Variants in SVIL observed in about 807,000 individuals in gnomAD.
The protein encoded by SVIL is supervillin.
Under a neutral mutation model 240.4 loss-of-function variants are expected in SVIL, and 101 were observed. That is an observed-to-expected ratio of 0.42 (90% CI 0.36 to 0.50). SVIL has a LOEUF of 0.50. SVIL is among the 20% of genes least tolerant of loss of function. The pLI, the probability that SVIL is intolerant of heterozygous loss-of-function variation, is 0.01. For synonymous variants in SVIL, 999 were observed against 1,100.0 expected (o/e 0.91, Z 1.82); for missense variants, 2,512 against 2,818.7 (o/e 0.89, Z 2.46).
At position 29,648,238 on chromosome 10, in the gene SVIL, G is replaced by A. The variant is rs570110023; in HGVS notation, c.-201+9731C>T. On this transcript the variant is annotated intron_variant, in intron 3 of 35. Transcript: ENST00000375400. ...TGTACGTTTGCCCCTGAATTCTCCC[G>A]AAGGGTGGCTTCCTGCTCATGCACA... Among the ~76,000 whole-genome samples, 11 of 152,218 alleles carry A rather than the reference G, an allele frequency of 7.2e-5. No individual in the cohort carries two copies. The South Asian group carries it at 2.3e-3, about 32-fold the overall frequency.
chr10:29,477,138 C>T (rs946102976), intron 29 of SVIL, among the ~76,000 whole-genome samples: 3 of 152,340 alleles, frequency 2.0e-5, no homozygotes, highest in Admixed American at 2.0e-4. Context: ...GCTGGGATTA[C>T]AGGCATGAGC....
chr10:29,554,501 A>T (rs1198628162), intron 5 of SVIL, among the ~76,000 whole-genome samples: 2 of 151,910 alleles, frequency 1.3e-5, no homozygotes, highest in Non-Finnish European at 2.9e-5. Flanking sequence ...AAAAAAAAAA[A>T]TTAGCCTGGT....
At chr10:29,595,899 A>T (rs1428217592) in intron 1 of SVIL, among the ~76,000 whole-genome samples, 1 of 152,214 alleles carries the variant, frequency 6.6e-6, no homozygotes, top group Non-Finnish European at 1.5e-5. Context: ...TTGGCCATGT[A>T]GTCTGTGGCC....
rs369701914 is a variant in SVIL at position 29,679,559 on chromosome 10, C to CTTTT, written c.-301+6990_-301+6993dup. ...CCACTTTTTTTTCTTTTTTCTTTTC[C>CTTTT]TTTTTTTTTTTTGAGATGGGGGTCC... On this transcript the variant is annotated intron_variant, in intron 2 of 35. Coordinates refer to the SVIL transcript ENST00000375400. Among the ~76,000 whole-genome samples the CTTTT allele has an allele frequency of 2.7e-3, 382 of 140,828 alleles. 2 individuals carry two copies. The highest frequency in any genetic ancestry group is 8.6e-3 in the African/African-American group (330 of 38,352). The allele number at this position is 140,828 out of a possible 152,430, so 92.4% of individuals were successfully genotyped here. A position where few individuals can be genotyped will look rare whatever the true frequency, so the allele number is the denominator to read the frequency against.
intron 2 of SVIL, among the ~76,000 whole-genome samples, chr10:29,669,075 A>G (rs1187336370): frequency 6.6e-6 from 1 of 152,224 alleles, no homozygotes; most frequent in Non-Finnish European, 1.5e-5. Flanking sequence ...AAATACATGT[A>G]TTGATCCCTA....
intron 13 of SVIL, among the ~76,000 whole-genome samples, chr10:29,525,815 A>G (rs60594314): frequency 0.15 from 23,571 of 152,100 alleles, 2,695 homozygotes; most frequent in African/African-American, 0.32. Context: ...TGCACAGGCT[A>G]TCCCAGGCCA....
intron 17 of SVIL, among the ~76,000 whole-genome samples, chr10:29,510,431 C>T (rs1949744620): frequency 6.6e-6 from 1 of 151,412 alleles, no homozygotes; most frequent in South Asian, 2.1e-4. Context: ...TTCACAGGAG[C>T]AATGGAAGGA....
chr10:29,522,327 G>A lies in SVIL; in HGVS notation c.3389+83C>T. On this transcript the variant is annotated intron_variant, in intron 16 of 37. Coordinates refer to ENST00000355867, the MANE Select transcript of SVIL (RefSeq NM_021738.3). Reference sequence around the variant, plus strand: ...GCTGAATGTATGATTTCATCTCTTTGCCCATCACCGAGATTGTTTTCTAAA... The same window carrying A: ...GCTGAATGTATGATTTCATCTCTTTACCCATCACCGAGATTGTTTTCTAAA... The A allele has an allele frequency of 7.9e-7, 1 of 1,269,486 alleles. No individual in the cohort carries two copies. The highest frequency in any genetic ancestry group is 1.1e-6 in the Non-Finnish European group (1 of 892,932). 78.6% of individuals were successfully genotyped at this position (1,269,486 alleles called of 1,614,324 possible).
At position 29,665,892 on chromosome 10, in the gene SVIL, T is replaced by C. The variant is rs1183138015; in HGVS notation, c.-300-7824A>G. Among the ~76,000 whole-genome samples the C allele has an allele frequency of 2.6e-5, 4 of 152,242 alleles. No homozygotes were observed. The East Asian group carries it at 7.7e-4, about 29-fold the overall frequency. On this transcript the variant is annotated intron_variant, in intron 2 of 35. Transcript: ENST00000375400. ...ATACACTAAGGGCTCCAGTTCACTCTTCATACTCTCTGCCTATCAACCCCC... is the reference window on the plus strand; with the variant it reads ...ATACACTAAGGGCTCCAGTTCACTCCTCATACTCTCTGCCTATCAACCCCC...
intron 29 of SVIL, among the ~76,000 whole-genome samples, chr10:29,476,413 T>A (rs1016134600): frequency 7.2e-5 from 11 of 152,256 alleles, no homozygotes; most frequent in South Asian, 4.1e-4. Context: ...GTCTCTTTTT[T>A]AAATTACTTT....
intron 2 of SVIL, among the ~76,000 whole-genome samples, chr10:29,564,715 C>T (rs1954821997): frequency 2.0e-5 from 3 of 152,214 alleles, no homozygotes; most frequent in South Asian, 2.1e-4. Flanking sequence ...CTGAAATCTT[C>T]GTCTTTCCAT....
At chr10:29,662,504 T>A (rs1461089026) in intron 2 of SVIL, among the ~76,000 whole-genome samples, 1 of 152,124 alleles carries the variant, frequency 6.6e-6, no homozygotes, top group East Asian at 1.9e-4. Context: ...TTAGAGAAGG[T>A]CCCCATTGAT....
At chr10:29,621,234 T>G (rs1957627471) in intron 1 of SVIL, among the ~76,000 whole-genome samples, 1 of 152,248 alleles carries the variant, frequency 6.6e-6, no homozygotes, top group Non-Finnish European at 1.5e-5. Flanking sequence ...CACTTGCCTG[T>G]GGTATTCTGT....
intron 1 of SVIL, among the ~76,000 whole-genome samples, chr10:29,711,299 C>T (rs1963261261): frequency 6.6e-6 from 1 of 152,146 alleles, no homozygotes; most frequent in African/African-American, 2.4e-5. Context: ...ACTGTGGAGA[C>T]TGAGGCAGGA....
rs756243708 is a variant in SVIL at position 29,458,244 on chromosome 10, C to G, written c.*3G>C. ...CCGTGAGGCTCCTCTGGCGTCTCCC[C>G]ACTCAGAACAGGCCTTTTGCTTTCT... On this transcript the variant is annotated 3_prime_UTR_variant, in exon 38 of 38. Transcript: ENST00000355867. 7 of 1,614,044 alleles carry G rather than the reference C, an allele frequency of 4.3e-6. No individual in the cohort carries two copies. Among genetic ancestry groups the G allele is most frequent in the Non-Finnish European group, 5.9e-6 (7 of 1,179,968 alleles).
rs7914454 is a variant in SVIL, at chr10:29,625,947, C to A, written c.-201+8473G>T. Among the ~76,000 whole-genome samples, 890 of 152,066 alleles carry A rather than the reference C, an allele frequency of 5.9e-3. 7 individuals are homozygous for A. The highest frequency in any genetic ancestry group is 0.019 in the African/African-American group (784 of 41,482). ...AGCTTTGAGGTATAATTCACAAATGCAAATTGTATATACTCAAGGTGTGCA... is the reference window on the plus strand; with the variant it reads ...AGCTTTGAGGTATAATTCACAAATGAAAATTGTATATACTCAAGGTGTGCA... On this transcript the variant is annotated intron_variant, in intron 1 of 37. Transcript: ENST00000355867.
At position 29,633,038 on chromosome 10, in the gene SVIL, C is replaced by T. The variant is rs147510200; in HGVS notation, c.-201+1382G>A. Among the ~76,000 whole-genome samples, 472 of 152,136 alleles carry T rather than the reference C, an allele frequency of 3.1e-3. 5 individuals are homozygous for T. Among genetic ancestry groups the T allele is most frequent in the African/African-American group, 0.011 (450 of 41,500 alleles). ...CACGAGGTCAGGAGTTCAAGATCAG[C>T]CTGGCCAACATAGTGAAACCCCGTC... On this transcript the variant is annotated intron_variant, in intron 1 of 37. Transcript: ENST00000355867.
intron 1 of SVIL, among the ~76,000 whole-genome samples, chr10:29,572,711 C>T (rs776958821): frequency 1.5e-4 from 20 of 136,490 alleles, no homozygotes; most frequent in Non-Finnish European, 2.6e-4. Flanking sequence ...CTGCAGTGAG[C>T]CATGGTTGCA....
chr10:29,540,044 C>T (rs1952030390), intron 6 of SVIL, among the ~76,000 whole-genome samples: 1 of 152,156 alleles, frequency 6.6e-6, no homozygotes, highest in Non-Finnish European at 1.5e-5. Context: ...CGTGCGTTAC[C>T]AAGATGACCT....
Sources: gnomAD v4.1 joint callset for allele counts (sites outside exome capture counted in the v4.1 genomes callset) on GRCh38, gnomAD v4.1.1 for gene constraint, MANE v1.5 for transcripts, NCBI Gene and HGNC (gene_info 2026-07-23, HGNC 2026-07-21) for gene names.